DCC: variants seen among roughly 807,000 people sequenced by gnomAD.
The protein encoded by DCC is DCC netrin 1 receptor.
In DCC, 58 loss-of-function variants were observed where a neutral mutation model predicts 172.5. The observed-to-expected ratio is 0.34, with a 90% CI of 0.27 to 0.42. The LOEUF (loss-of-function observed/expected upper bound fraction) is 0.42. Among genes scored for constraint, DCC ranks in the 10% least tolerant of loss-of-function variants. The pLI, the probability that DCC is intolerant of heterozygous loss-of-function variation, is 1.00. For missense variants in DCC, 1,740 were observed against 1,791.0 expected (o/e 0.97, Z 0.51); for synonymous variants, 709 against 644.5 (o/e 1.10, Z -1.52).
intron 2 of DCC, among the ~76,000 whole-genome samples, chr18:52,821,815 T>A (rs2145273575): frequency 6.6e-6 from 1 of 152,352 alleles, no homozygotes; most frequent in East Asian, 1.9e-4. Flanking sequence ...GTATCTTGTT[T>A]TGTATTCCCA....
In DCC at chr18:52,352,392, T is replaced by C. The variant is rs76243144; in HGVS notation, c.91+11514T>C. On this transcript the variant is annotated intron_variant, in intron 1 of 28. Coordinates refer to ENST00000442544, the MANE Select transcript of DCC (RefSeq NM_005215.4). The stretch of plus-strand genomic sequence containing the variant: ...GGCAATTTTGAAATCAATCACATCA[T>C]GGTTTAGTGGACCCTGGTCCCATGC... Among the ~76,000 whole-genome samples the C allele has an allele frequency of 3.2e-4, 48 of 152,294 alleles. No homozygotes were observed. The East Asian group carries it at 7.1e-3, about 23-fold the overall frequency.
chr18:53,079,142 T>C (rs1482652521), intron 7 of DCC, among the ~76,000 whole-genome samples: 1 of 152,168 alleles, frequency 6.6e-6, no homozygotes, highest in African/African-American at 2.4e-5. Flanking sequence ...AAGTACTATG[T>C]AGCTTATTTC....
At chr18:52,825,941 A>T (rs929505286) in intron 2 of DCC, among the ~76,000 whole-genome samples, 1 of 152,202 alleles carries the variant, frequency 6.6e-6, no homozygotes, top group Non-Finnish European at 1.5e-5. Flanking sequence ...GGGGGGAAAA[A>T]CAGCAGATAA....
At chr18:53,183,652 A>T (rs919977353) in intron 9 of DCC, among the ~76,000 whole-genome samples, 1 of 152,106 alleles carries the variant, frequency 6.6e-6, no homozygotes, top group Admixed American at 6.6e-5. Flanking sequence ...TAATATTCTT[A>T]GTCTATTATA....
At chr18:52,837,655 A>G (rs1002003739) in intron 2 of DCC, among the ~76,000 whole-genome samples, 1 of 152,176 alleles carries the variant, frequency 6.6e-6, no homozygotes, top group African/African-American at 2.4e-5. Flanking sequence ...AAACTTTCCC[A>G]TATTTTCCTG....
In DCC at chr18:53,339,816, A is replaced by G; in HGVS notation, c.2268A>G (p.Arg756=). Residue 756 remains arginine, a synonymous_variant, in exon 15 of 29, where the codon CGA becomes CGG. Coordinates refer to ENST00000442544, the MANE Select transcript of DCC (RefSeq NM_005215.4). ...CCTTGAACCCAAACATCGTGGTGCG[A>G]GGTTATATTATCGGTTATGGCGTTG... ...TPPLNPNIVV[R]GYIIGYGVGS... is the part of the protein sequence containing the mutation. 6.2e-7 allele frequency: 1 copy of G among 1,613,954 alleles called. No individual in the cohort carries two copies. Among genetic ancestry groups the G allele is most frequent in the Non-Finnish European group, 8.5e-7 (1 of 1,179,952 alleles).
At chr18:52,470,463 T>C (rs577813889) in intron 1 of DCC, among the ~76,000 whole-genome samples, 21 of 152,296 alleles carry the variant, frequency 1.4e-4, no homozygotes, top group Non-Finnish European at 2.5e-4. Flanking sequence ...AGATCTCTTG[T>C]AACATTGAGG....
chr18:52,455,237 A>G (rs185797184), intron 1 of DCC, among the ~76,000 whole-genome samples: 2 of 152,230 alleles, frequency 1.3e-5, no homozygotes, highest in African/African-American at 2.4e-5. Flanking sequence ...TCGTGTTTCA[A>G]TGAGTCTCCT....
At chr18:53,157,218 C>T (rs2054752914) in intron 7 of DCC, 138 bp from the exon 8 acceptor site, 2 of 1,008,472 alleles carry the variant, frequency 2.0e-6, no homozygotes, top group African/African-American at 1.6e-5. Context: ...TGTGTGCATT[C>T]CCTTGGTTTT....
At chr18:52,390,457 G>A (rs1046646322) in intron 1 of DCC, among the ~76,000 whole-genome samples, 40 of 152,132 alleles carry the variant, frequency 2.6e-4, no homozygotes, top group Non-Finnish European at 3.7e-4. Flanking sequence ...CAATTTAGTA[G>A]CAATCATTGA....
In DCC at chr18:53,239,626, T is replaced by C. The variant is rs2056258730; in HGVS notation, c.1911+24029T>C. The stretch of plus-strand genomic sequence containing the variant: ...TTTTTGACATGAACACAAAGAAAAA[T>C]ATTTGAAAATGTCAAACAAAACCTC... On this transcript the variant is annotated intron_variant, in intron 12 of 28. Coordinates refer to ENST00000442544, the MANE Select transcript of DCC (RefSeq NM_005215.4). Among the ~76,000 whole-genome samples, 3 of 152,140 alleles carry C rather than the reference T, an allele frequency of 2.0e-5. No homozygotes were observed. In the South Asian group the frequency reaches 6.2e-4, roughly 32 times the overall value.
intron 1 of DCC, among the ~76,000 whole-genome samples, chr18:52,566,726 T>TA (rs1568232521): frequency 6.6e-6 from 1 of 152,028 alleles, no homozygotes; most frequent in Non-Finnish European, 1.5e-5. Flanking sequence ...GAAGAAGGCC[T>TA]AAAAAATGAC....
chr18:53,043,752 G>T (rs1170792202), intron 5 of DCC, among the ~76,000 whole-genome samples: 1 of 151,862 alleles, frequency 6.6e-6, no homozygotes, highest in Non-Finnish European at 1.5e-5. Context: ...TTCCTAAAGT[G>T]TATGCTTTAA....
chr18:52,587,522 T>G (rs1183732988), intron 1 of DCC, among the ~76,000 whole-genome samples: 1 of 152,196 alleles, frequency 6.6e-6, no homozygotes, highest in Non-Finnish European at 1.5e-5. Context: ...TCCCCAAATT[T>G]CTTTGTCACC....
chr18:52,851,049 C>T (rs1279116093), intron 2 of DCC, among the ~76,000 whole-genome samples: 1 of 152,044 alleles, frequency 6.6e-6, no homozygotes, highest in Admixed American at 6.6e-5. Context: ...GCTAAAAAGT[C>T]AGTAAGTAGA....
At chr18:53,528,197 T>A in intron 28 of DCC, among the ~76,000 whole-genome samples, 1 of 152,128 alleles carries the variant, frequency 6.6e-6, no homozygotes, top group East Asian at 1.9e-4. Context: ...TGAAGAACAA[T>A]ACATTTTTCT....
chr18:52,816,733 C>T (rs1026158124), intron 2 of DCC: 2 of 152,040 alleles, frequency 1.3e-5, no homozygotes, highest in Non-Finnish European at 1.5e-5. Flanking sequence ...TTGCAACAGC[C>T]GATGCAGCTG....
intron 1 of DCC, among the ~76,000 whole-genome samples, chr18:52,355,609 T>A (rs1308347816): frequency 6.6e-6 from 1 of 152,212 alleles, no homozygotes; most frequent in Non-Finnish European, 1.5e-5. Context: ...TTTTTAAAGG[T>A]AATGTTTCAT....
chr18:52,861,722 T>C (rs1452816323), intron 2 of DCC, among the ~76,000 whole-genome samples: 4 of 152,160 alleles, frequency 2.6e-5, no homozygotes, highest in African/African-American at 9.7e-5. Flanking sequence ...CTTATTCTGC[T>C]TGCTGTTGGG....
Sources: gnomAD v4.1 joint callset for allele counts (sites outside exome capture counted in the v4.1 genomes callset) on GRCh38, gnomAD v4.1.1 for gene constraint, MANE v1.5 for transcripts, NCBI Gene and HGNC (gene_info 2026-07-23, HGNC 2026-07-21) for gene names.